The following COLEC11 variants were observed in gnomAD, a reference collection of about 807,000 sequenced individuals.
COLEC11 encodes collectin subfamily member 11.
COLEC11 carries 20 observed loss-of-function variants against 27.3 expected under a neutral mutation model. The observed-to-expected ratio is 0.73, with a 90% confidence interval of 0.51 to 1.06. The LOEUF (loss-of-function observed/expected upper bound fraction) is 1.06. COLEC11 is among the 50% of genes least tolerant of loss of function. The pLI is 0.00. For missense variants in COLEC11, 310 were observed against 383.0 expected, an observed-to-expected ratio of 0.81 and a Z score of 1.59; for synonymous variants, 163 against 154.7, an observed-to-expected ratio of 1.05 and a Z score of -0.40.
At chr2:3,606,209 G>C in intron 2 of COLEC11, 1 of 1,550,462 alleles carries the variant, frequency 6.4e-7, no homozygotes, top group Non-Finnish European at 8.7e-7. Flanking sequence ...GGGTGCCTCC[G>C]AGTCCCTACG....
At chr2:3,634,385 C>G (rs1172083878) in intron 3 of COLEC11, among the ~76,000 whole-genome samples, 1 of 152,166 alleles carries the variant, frequency 6.6e-6, no homozygotes, top group Non-Finnish European at 1.5e-5. Flanking sequence ...GGGCGCAAAA[C>G]CAGGCTGGCT....
intron 3 of COLEC11, among the ~76,000 whole-genome samples, chr2:3,621,076 T>C (rs993019906): frequency 6.6e-6 from 1 of 152,220 alleles, no homozygotes; most frequent in African/African-American, 2.4e-5. Context: ...AATGTTTTCT[T>C]ACTGATTTTC....
chr2:3,613,930 G>A (rs918733450), intron 3 of COLEC11, among the ~76,000 whole-genome samples: 1 of 151,026 alleles, frequency 6.6e-6, no homozygotes, highest in African/African-American at 2.4e-5. Context: ...TATACTCCTT[G>A]TTACTGCTTA....
intron 3 of COLEC11, among the ~76,000 whole-genome samples, chr2:3,622,951 ACTTTC>A (rs1476152886): frequency 5.9e-5 from 9 of 152,286 alleles, no homozygotes; most frequent in African/African-American, 2.2e-4. Flanking sequence ...AGCTTGAAGA[ACTTTC>A]CTTTACATTT....
At chr2:3,622,058 A>T (rs1285307477) in intron 3 of COLEC11, among the ~76,000 whole-genome samples, 2 of 151,456 alleles carry the variant, frequency 1.3e-5, no homozygotes, top group Non-Finnish European at 2.9e-5. Flanking sequence ...AGTCCTAGCT[A>T]CTCAGGAGGC....
chr2:3,618,124 G>A (rs1483709258), intron 3 of COLEC11, among the ~76,000 whole-genome samples: 1 of 152,152 alleles, frequency 6.6e-6, no homozygotes, highest in East Asian at 1.9e-4. Context: ...TGCAAATACT[G>A]TCTTCCATTC....
At chr2:3,601,660 TAAG>T (rs746115918) in intron 1 of COLEC11, among the ~76,000 whole-genome samples, 2 of 152,154 alleles carry the variant, frequency 1.3e-5, no homozygotes, top group Non-Finnish European at 2.9e-5. Flanking sequence ...GCTTCAGCTT[TAAG>T]GTCTGTAGGT....
chr2:3,617,956 C>A (rs1274997932), intron 3 of COLEC11, among the ~76,000 whole-genome samples: 2 of 152,228 alleles, frequency 1.3e-5, no homozygotes, highest in African/African-American at 2.4e-5. Context: ...ATGTTGACCA[C>A]CTTTCCATAA....
intron 4 of COLEC11, 46 bp from the exon 5 acceptor site, chr2:3,640,232 A>G (rs1473115800): frequency 6.1e-6 from 7 of 1,153,750 alleles, no homozygotes; most frequent in Middle Eastern, 2.0e-4. Context: ...CACATAGAAC[A>G]TGTCCATCTC....
At chr2:3,627,946 C>G (rs886130925) in intron 3 of COLEC11, among the ~76,000 whole-genome samples, 2 of 152,214 alleles carry the variant, frequency 1.3e-5, no homozygotes, top group Admixed American at 1.3e-4. Flanking sequence ...GACAGCCCTG[C>G]TCCCATGCCA....
chr2:3,603,537 G>A lies in COLEC11; in HGVS notation c.-26-778G>A, dbSNP rs367705112. The A allele has an allele frequency of 2.3e-4, 234 of 1,006,530 alleles. No homozygotes were observed. In the African/African-American group the frequency reaches 2.6e-3, roughly 11 times the overall value. The allele number at this position is 1,006,530 out of a possible 1,614,324, so 62.3% of individuals were successfully genotyped here. A position where few individuals can be genotyped will look rare whatever the true frequency, so the allele number is the denominator to read the frequency against. On this transcript the variant is annotated intron_variant, in intron 1 of 6. Transcript: ENST00000349077. Reference sequence around the variant, plus strand: ...TCACCATGTTGTCCAGACTGGTCTCGAACTCCCGACTTTAGGTGATCTGCC... The same window carrying A: ...TCACCATGTTGTCCAGACTGGTCTCAAACTCCCGACTTTAGGTGATCTGCC...
At chr2:3,617,579 GT>G (rs1395710735) in intron 3 of COLEC11, 1 of 1,609,158 alleles carries the variant, frequency 6.2e-7, no homozygotes, top group Non-Finnish European at 8.5e-7. Flanking sequence ...CTCCTGTTCA[GT>G]CGTTTCTTTG....
intron 3 of COLEC11, among the ~76,000 whole-genome samples, chr2:3,636,987 C>T (rs2147953100): frequency 6.6e-6 from 1 of 152,284 alleles, no homozygotes; most frequent in African/African-American, 2.4e-5. Context: ...TAGAGCAGGT[C>T]AGGTCGGGAG....
intron 5 of COLEC11, among the ~76,000 whole-genome samples, chr2:3,642,204 A>T (rs1273720903): frequency 6.6e-6 from 1 of 152,216 alleles, no homozygotes; most frequent in Non-Finnish European, 1.5e-5. Flanking sequence ...AGGGGCACAG[A>T]TACTCGATTT....
chr2:3,604,037 C>A (rs1041884381), intron 1 of COLEC11: 23 of 576,228 alleles, frequency 4.0e-5, no homozygotes, highest in Middle Eastern at 4.7e-4. Flanking sequence ...TCAGATCGAA[C>A]TCCTTGGGGT....
At chr2:3,639,995 G>A (rs1558519538) in intron 4 of COLEC11, among the ~76,000 whole-genome samples, 1 of 152,196 alleles carries the variant, frequency 6.6e-6, no homozygotes, top group Non-Finnish European at 1.5e-5. Flanking sequence ...TTCATGAGGC[G>A]ATGTCTGCAG....
At chr2:3,604,111 T>G (rs1572388468) in intron 1 of COLEC11, 2 of 627,574 alleles carry the variant, frequency 3.2e-6, no homozygotes, top group East Asian at 5.4e-5. Flanking sequence ...TGGTGCCTGG[T>G]GCTGACCCTG....
Position 3,611,938 on chromosome 2 carries a change from G to A in COLEC11, c.131-1373G>A, listed in dbSNP as rs560317598. ...GAGACCGAGGGCACGAGCTGGTCCAGTATGATAAAATATATAAAACAACAA... is the reference window on the plus strand; with the variant it reads ...GAGACCGAGGGCACGAGCTGGTCCAATATGATAAAATATATAAAACAACAA... On this transcript the variant is annotated intron_variant, in intron 2 of 6. Transcript: ENST00000349077. Among the ~76,000 whole-genome samples, 5 of 148,432 alleles carry A rather than the reference G, an allele frequency of 3.4e-5. No homozygotes were observed. The South Asian group carries it at 6.3e-4, about 19-fold the overall frequency.
At chr2:3,635,045 C>T (rs983837016) in intron 3 of COLEC11, among the ~76,000 whole-genome samples, 5 of 151,910 alleles carry the variant, frequency 3.3e-5, no homozygotes, top group Non-Finnish European at 4.4e-5. Context: ...AGGTGCCCTC[C>T]TGGCCCTTGT....
Sources: allele counts gnomAD v4.1 joint callset (sites outside exome capture counted in the v4.1 genomes callset), GRCh38; gene constraint gnomAD v4.1.1; transcripts MANE v1.5; gene names NCBI Gene and HGNC (gene_info 2026-07-23, HGNC 2026-07-21).